The following RET variants were observed in gnomAD, a reference collection of about 807,000 sequenced individuals.
The protein encoded by RET is ret proto-oncogene.
Under a neutral mutation model 118.3 loss-of-function variants are expected in RET, and 19 were observed. The observed-to-expected ratio is 0.16, with a 90% CI of 0.11 to 0.24. The LOEUF is 0.24. Ranked by LOEUF, RET falls within the 10% of genes least tolerant of loss-of-function variation. The pLI, the probability that RET is intolerant of heterozygous loss-of-function variation, is 1.00. For synonymous variants in RET, 597 were observed against 644.1 expected, an observed-to-expected ratio of 0.93 and a Z score of 1.11; for missense variants, 1,219 against 1,502.1, an observed-to-expected ratio of 0.81 and a Z score of 3.12.
At position 43,113,638 on chromosome 10, in the gene RET, G is replaced by A. The variant is rs1423361859; in HGVS notation, c.1842G>A (p.Glu614=). 1.2e-6 allele frequency: 2 copies of A among 1,613,416 alleles called. No homozygotes were observed. Among genetic ancestry groups the A allele is most frequent in the Non-Finnish European group, 1.7e-6 (2 of 1,179,842 alleles). Residue 614 remains glutamate, a synonymous_variant, in exon 10 of 20, where the codon GAG becomes GAA. Transcript: ENST00000355710. ...AGYGTCNCFP[E]EEKCFCEPED... ...ATGGCACCTGCAACTGCTTCCCTGAGGAGGAGAAGTGCTTCTGCGAGCCCG... is the reference window on the plus strand; with the variant it reads ...ATGGCACCTGCAACTGCTTCCCTGAAGAGGAGAAGTGCTTCTGCGAGCCCG...
intron 1 of RET, among the ~76,000 whole-genome samples, chr10:43,082,497 G>A (rs531281492): frequency 6.6e-6 from 1 of 152,320 alleles, no homozygotes; most frequent in East Asian, 1.9e-4. Flanking sequence ...TGGAGGGCCT[G>A]GTGCTGGGGC....
At chr10:43,079,211 A>G (rs1361990292) in intron 1 of RET, among the ~76,000 whole-genome samples, 1 of 152,102 alleles carries the variant, frequency 6.6e-6, no homozygotes, top group Non-Finnish European at 1.5e-5. Flanking sequence ...TCACCAAGAC[A>G]CACTCCTGCC....
At position 43,120,178 on chromosome 10, in the gene RET, A is replaced by G; in HGVS notation, c.2705A>G (p.Glu902Gly). The G allele has an allele frequency of 6.2e-7, 1 of 1,613,458 alleles. No individual in the cohort carries two copies. The highest frequency in any genetic ancestry group is 8.5e-7 in the Non-Finnish European group (1 of 1,180,002). ...DFGLSRDVYE[E>G]DSYVKRSQGR... Reference sequence around the variant, plus strand: ...GGCTTGTCCCGAGATGTTTATGAAGAGGATTCCTACGTGAAGAGGAGCCAG... The same window carrying G: ...GGCTTGTCCCGAGATGTTTATGAAGGGGATTCCTACGTGAAGAGGAGCCAG... Residue 902 changes from glutamate to glycine, a missense_variant, in exon 15 of 20, where the codon GAG becomes GGG. This residue lies in a region of RET where 73 missense variants were observed against 156.5 expected (regional missense o/e 0.47). Transcript: ENST00000355710.
Position 43,111,207 on chromosome 10 carries a change from A to G in RET, c.1264A>G (p.Ile422Val), listed in dbSNP as rs749107291. Residue 422 changes from isoleucine to valine, a missense_variant and splice_region_variant, in exon 7 of 20, where the codon ATC becomes GTC. By Grantham distance (29) the Ile-to-Val change is conservative. Around this residue, in one of 5 missense-constraint regions of RET, gnomAD observed 850 missense variants for 969.6 expected, o/e 0.88. Transcript: ENST00000355710. Reference protein sequence around the residue: ...VSRRARRFAQIGKVCVENCQA... With the variant: ...VSRRARRFAQVGKVCVENCQA... ...AAGGTGTTCCCCTGTGCCCCCCTAG[A>G]TCGGGAAAGTCTGTGTGGAAAACTG... 1.2e-6 allele frequency: 2 copies of G among 1,613,732 alleles called. No individual in the cohort carries two copies. Among genetic ancestry groups the G allele is most frequent in the Non-Finnish European group, 1.7e-6 (2 of 1,179,912 alleles).
At chr10:43,080,990 G>C (rs1010572531) in intron 1 of RET, among the ~76,000 whole-genome samples, 5 of 152,318 alleles carry the variant, frequency 3.3e-5, no homozygotes, top group African/African-American at 1.2e-4. Flanking sequence ...TCAGGGATGG[G>C]GGTACAGCTG....
chr10:43,105,939 C>G (rs140648911), intron 4 of RET, among the ~76,000 whole-genome samples: 156 of 152,300 alleles, frequency 1.0e-3, no homozygotes, highest in Middle Eastern at 6.8e-3. Context: ...ATGCTTGGAA[C>G]AGAGCGCTCT....
chr10:43,100,969 C>T lies in RET; in HGVS notation c.337+247C>T, dbSNP rs112451273. On this transcript the variant is annotated intron_variant, in intron 2 of 19. Transcript: ENST00000355710. ...ACGGGAATCATCCGGGTACACTCTT[C>T]TGCCAGACCCGAATCCCTCTTCCAG... 5.3e-3 allele frequency among the ~76,000 whole-genome samples: 807 copies of T among 152,356 alleles called. 9 individuals carry two copies. The highest frequency in any genetic ancestry group is 0.019 in the African/African-American group (782 of 41,574).
At position 43,120,102 on chromosome 10, in the gene RET, G is replaced by T; in HGVS notation, c.2629G>T (p.Ala877Ser). Residue 877 changes from alanine to serine, a missense_variant, in exon 15 of 20, where the codon GCC becomes TCC. Around this residue, in one of 5 missense-constraint regions of RET, gnomAD observed 73 missense variants for 156.5 expected, o/e 0.47. Coordinates refer to ENST00000355710, the MANE Select transcript of RET (RefSeq NM_020975.6). Reference protein sequence around the residue: ...EMKLVHRDLAARNILVAEGRK... With the variant: ...EMKLVHRDLASRNILVAEGRK... The stretch of plus-strand genomic sequence containing the variant: ...ACAGCTCGTTCATCGGGACTTGGCA[G>T]CCAGAAACATCCTGGTAGCTGAGGG... 6.2e-7 allele frequency: 1 copy of T among 1,613,978 alleles called. No individual in the cohort carries two copies. The highest frequency in any genetic ancestry group is 8.5e-7 in the Non-Finnish European group (1 of 1,180,006).
At position 43,126,650 on chromosome 10, in the gene RET, C is replaced by A. The variant is rs2133035293; in HGVS notation, c.3115C>A (p.Pro1039Thr). 1 of 1,614,142 alleles carries A rather than the reference C, an allele frequency of 6.2e-7. No homozygotes were observed. Among genetic ancestry groups the A allele is most frequent in the Non-Finnish European group, 8.5e-7 (1 of 1,180,028 alleles). ...YDDGLSEEET[P>T]LVDCNNAPLP... ...CGACGGCCTCTCAGAGGAGGAGACA[C>A]CGCTGGTGGACTGTAATAATGCCCC... The change falls in exon 19 of 20, where the codon CCG becomes ACG. Residue 1039 changes from proline (P) to threonine (T), a missense_variant. Physicochemically the swap from Pro to Thr is conservative, Grantham distance 38. Around this residue, in one of 5 missense-constraint regions of RET, gnomAD observed 174 missense variants for 179.3 expected, o/e 0.97. Coordinates refer to ENST00000355710, the MANE Select transcript of RET (RefSeq NM_020975.6).
chr10:43,109,317 G>A, intron 6 of RET, 87 bp downstream of exon 6: 1 of 1,321,836 alleles, frequency 7.6e-7, no homozygotes, highest in Admixed American at 1.9e-5. Context: ...CTGCCTCTTG[G>A]CCCAACCAGC....
intron 6 of RET, among the ~76,000 whole-genome samples, chr10:43,110,961 T>TCCA (rs1325711294): frequency 3.3e-5 from 5 of 151,776 alleles, no homozygotes; most frequent in African/African-American, 4.8e-5. Context: ...TGCCTTGACC[T>TCCA]CCAGCTCCCA....
In RET at chr10:43,077,093, G is replaced by A; in HGVS notation, c.-166G>A. 2.0e-6 allele frequency: 2 copies of A among 1,024,336 alleles called. No homozygotes were observed. Among genetic ancestry groups the A allele is most frequent in the Non-Finnish European group, 2.5e-6 (2 of 793,022 alleles). The allele number at this position is 1,024,336 out of a possible 1,614,324, so 63.5% of individuals were successfully genotyped here. A position where few individuals can be genotyped will look rare whatever the true frequency, so the allele number is the denominator to read the frequency against. ...CAGTCCCGCGACCGAAGCAGGGCGC[G>A]CAGCAGCGCTGAGTGCCCCGGAACG... On this transcript the variant is annotated 5_prime_UTR_variant, in exon 1 of 20. Transcript: ENST00000355710.
Position 43,128,542 on chromosome 10 carries a change from G to C in RET, c.*273G>C. ...TCTCTTCAGTGCCCAGCAGCACCCA[G>C]TGTTGGTCTGTGTCCATCAGTGACC... On this transcript the variant is annotated 3_prime_UTR_variant, in exon 20 of 20. Coordinates refer to ENST00000355710, the MANE Select transcript of RET (RefSeq NM_020975.6). 1 of 530,344 alleles carries C rather than the reference G, an allele frequency of 1.9e-6. No homozygotes were observed. Among genetic ancestry groups the C allele is most frequent in the South Asian group, 2.0e-5 (1 of 49,868 alleles). 32.9% of individuals were successfully genotyped at this position (530,344 alleles called of 1,614,324 possible).
At chr10:43,085,298 G>T (rs1490515343) in intron 1 of RET, among the ~76,000 whole-genome samples, 5 of 152,166 alleles carry the variant, frequency 3.3e-5, no homozygotes, top group Non-Finnish European at 7.3e-5. Flanking sequence ...GAAGCACAGG[G>T]GCATGGGCTG....
At chr10:43,096,855 G>T (rs143396024) in intron 1 of RET, among the ~76,000 whole-genome samples, 1 of 152,320 alleles carries the variant, frequency 6.6e-6, no homozygotes, top group East Asian at 1.9e-4. Context: ...GCTGCAGTCC[G>T]CTGAGGCAGG....
chr10:43,123,042 C>T (rs3026776), intron 16 of RET, among the ~76,000 whole-genome samples: 26,318 of 152,176 alleles, frequency 0.17, 2,520 homozygotes, highest in Admixed American at 0.25. Flanking sequence ...GTCATTGGAC[C>T]ACACCGCCCA....
intron 15 of RET, 136 bp from the exon 16 acceptor site, chr10:43,121,810 C>G (rs1306895420): frequency 2.7e-6 from 2 of 742,536 alleles, no homozygotes; most frequent in African/African-American, 3.4e-5. Context: ...TGTGTGTGGC[C>G]AGTTCTGTGC....
intron 13 of RET, among the ~76,000 whole-genome samples, chr10:43,119,080 A>C (rs1838141411): frequency 6.6e-6 from 1 of 152,136 alleles, no homozygotes; most frequent in African/African-American, 2.4e-5. Context: ...GTAGAGTTGG[A>C]GGCTGGGCCT....
At chr10:43,102,748 T>A in intron 3 of RET, 119 bp downstream of exon 3, 1 of 1,266,718 alleles carries the variant, frequency 7.9e-7, no homozygotes, top group Admixed American at 1.9e-5. Context: ...GTTCATTCAA[T>A]ATTCCAGAAG....
Sources: allele counts gnomAD v4.1 joint callset (sites outside exome capture counted in the v4.1 genomes callset), GRCh38; gene constraint gnomAD v4.1.1; regional missense constraint gnomAD v4.1.1; transcripts MANE v1.5; gene names NCBI Gene and HGNC (gene_info 2026-07-23, HGNC 2026-07-21).